The following SH2B1 variants were observed in gnomAD, a reference collection of about 807,000 sequenced individuals.
The protein encoded by SH2B1 is SH2B adapter protein 1.
Under a neutral mutation model 62.6 loss-of-function variants are expected in SH2B1, and 15 were observed. That is an observed-to-expected ratio of 0.24 (90% CI 0.16 to 0.37). The LOEUF is 0.37. SH2B1 is among the 10% of genes least tolerant of loss of function. SH2B1 has a pLI of 1.00. For synonymous variants in SH2B1, 443 were observed against 438.0 expected (o/e 1.01, Z -0.14); for missense variants, 925 against 1,015.6 (o/e 0.91, Z 1.21).
intron 1 of SH2B1, among the ~76,000 whole-genome samples, chr16:28,851,234 C>T (rs956871801): frequency 2.1e-4 from 32 of 151,774 alleles, no homozygotes; most frequent in African/African-American, 7.0e-4. Context: ...TCTCACTCTC[C>T]TTATACATCT....
In SH2B1 at chr16:28,873,297, C is replaced by G. The variant is rs762407660; in HGVS notation, c.1898-150C>G. The G allele has an allele frequency of 3.1e-6, 5 of 1,599,146 alleles. No homozygotes were observed. The highest frequency in any genetic ancestry group is 1.3e-5 in the African/African-American group (1 of 74,692). On this transcript the variant is annotated intron_variant, in intron 7 of 7. Transcript: ENST00000684370. This position sits in a 1 kb window ranked among gnomAD's most constrained non-coding sequence, Gnocchi z 4.2. ...AAGTGTGGTCCTCCTCTCACCACCG[C>G]CCATGATCCATCTTCCATGGATGGG... is the stretch of plus-strand genomic sequence containing the variant.
At chr16:28,849,362 G>A (rs1396774028) in intron 1 of SH2B1, among the ~76,000 whole-genome samples, 1 of 152,192 alleles carries the variant, frequency 6.6e-6, no homozygotes, top group Non-Finnish European at 1.5e-5. Flanking sequence ...CTCTCAAAAT[G>A]CTGGGATTAC....
At chr16:28,852,602 T>G (rs189586311) in intron 1 of SH2B1, among the ~76,000 whole-genome samples, 873 of 41,000 alleles carry the variant, frequency 0.021, 225 homozygotes, top group South Asian at 0.15. Flanking sequence ...ACATATATAT[T>G]TATATATATA....
chr16:28,866,856 T>A lies in SH2B1; in HGVS notation c.762T>A (p.Ser254Arg). 1 of 1,606,568 alleles carries A rather than the reference T, an allele frequency of 6.2e-7. No individual in the cohort carries two copies. The highest frequency in any genetic ancestry group is 8.5e-7 in the Non-Finnish European group (1 of 1,176,572). Reference sequence around the variant, plus strand: ...TGGTGCAGAGGGAAGAGCTGCTGAGTTTCATGGGGGCTGAGGAGGCAGCCC... The same window carrying A: ...TGGTGCAGAGGGAAGAGCTGCTGAGATTCATGGGGGCTGAGGAGGCAGCCC... ...AGMVQREELL[S>R]FMGAEEAAPD... Residue 254 changes from serine (S) to arginine (R), a missense_variant, in exon 1 of 8, where the codon AGT (serine) becomes AGA (arginine). Ser to Arg is a moderately radical substitution (Grantham distance 110). Around this residue, in one of 3 missense-constraint regions of SH2B1, gnomAD observed 683 missense variants for 704.0 expected, o/e 0.97. Transcript: ENST00000684370. This position sits in a 1 kb window ranked among gnomAD's most constrained non-coding sequence, Gnocchi z 6.3.
In SH2B1 at chr16:28,872,776, A is replaced by G. The variant is rs756586015; in HGVS notation, c.1897+71A>G. 2.5e-6 allele frequency: 4 copies of G among 1,574,172 alleles called. No homozygotes were observed. The highest frequency in any genetic ancestry group is 3.5e-6 in the Non-Finnish European group (4 of 1,151,836). The stretch of plus-strand genomic sequence containing the variant: ...GAAGTGAGGTGTGTGTGCCAGAAAG[A>G]TGGGGCGGGGAGGGGGGACTATCAC... On this transcript the variant is annotated intron_variant, in intron 7 of 7. Coordinates refer to ENST00000684370, the MANE Select transcript of SH2B1 (RefSeq NM_001387430.1). This position sits in a 1 kb window ranked among gnomAD's most constrained non-coding sequence, Gnocchi z 5.3.
At chr16:28,863,764 A>C (rs1189026966), upstream of SH2B1, 2 of 1,535,424 alleles carry the variant, frequency 1.3e-6, no homozygotes, top group Non-Finnish European at 1.7e-6. Context: ...AGTAAGTATG[A>C]AGGTGCCCTT....
At position 28,866,903 on chromosome 16, in the gene SH2B1, G is replaced by T; in HGVS notation, c.809G>T (p.Arg270Leu). 6.2e-7 allele frequency: 1 copy of T among 1,611,972 alleles called. No individual in the cohort carries two copies. ...GCCCCTGACCCAGCCGGAGTGGGCC[G>T]GGGAGGAGGGGTGGCTGGGCCTCCT... Reference protein sequence around the residue: ...EAAPDPAGVGRGGGVAGPPSG... With the variant: ...EAAPDPAGVGLGGGVAGPPSG... The change falls in exon 1 of 8, where the codon CGG (arginine) becomes CTG (leucine). Residue 270 changes from arginine (R) to leucine (L), a missense_variant. Transcript: ENST00000684370. The surrounding 1 kb of genome is among the most constrained non-coding windows in gnomAD (Gnocchi z 6.3).
In SH2B1 at chr16:28,868,991, G is replaced by A. The variant is rs748018784; in HGVS notation, c.1042-15G>A. On this transcript the variant is annotated splice_polypyrimidine_tract_variant and intron_variant, in intron 2 of 7. Coordinates refer to ENST00000684370, the MANE Select transcript of SH2B1 (RefSeq NM_001387430.1). The stretch of plus-strand genomic sequence containing the variant: ...CTGCCCCTGCCCCAGCTGAGGCGTC[G>A]TCTCATCTCTGTAGGTGGAAGGTCC... 86 of 1,608,500 alleles carry A rather than the reference G, an allele frequency of 5.3e-5. 1 individual carries two copies. The East Asian group carries it at 1.1e-3, about 21-fold the overall frequency.
chr16:28,866,655 CTCG>C lies in SH2B1; in HGVS notation c.564_566del (p.Ser189del). On this transcript the variant is annotated inframe_deletion, in exon 1 of 8. Coordinates refer to ENST00000684370, the MANE Select transcript of SH2B1 (RefSeq NM_001387430.1). This position sits in a 1 kb window ranked among gnomAD's most constrained non-coding sequence, Gnocchi z 6.3. ...CCTCCTCCGCTGGGCCCCTGGAGAC[CTCG>C]TCAGGCCCCCCAGTCTTAGGTGGAA... 6.2e-7 allele frequency: 1 copy of C among 1,611,632 alleles called. No homozygotes were observed. Among genetic ancestry groups the C allele is most frequent in the Non-Finnish European group, 8.5e-7 (1 of 1,178,746 alleles).
In SH2B1 at chr16:28,866,718, C is replaced by T. The variant is rs541383976; in HGVS notation, c.624C>T (p.Thr208=). Residue 208 remains threonine (T), a synonymous_variant, in exon 1 of 8, where the codon ACC becomes ACT. Coordinates refer to ENST00000684370, the MANE Select transcript of SH2B1 (RefSeq NM_001387430.1). This position sits in a 1 kb window ranked among gnomAD's most constrained non-coding sequence, Gnocchi z 6.3. ...SNSNSSGGAG[T]VGRGLVSDGT... is the part of the protein sequence containing the mutation. ...CCAACTCCTCTGGCGGGGCTGGGAC[C>T]GTTGGTAGGGGACTGGTCAGTGATG... The T allele has an allele frequency of 2.3e-5, 37 of 1,586,930 alleles. No individual in the cohort carries two copies. The Admixed American group carries it at 3.1e-4, about 13-fold the overall frequency.
At position 28,866,557 on chromosome 16, in the gene SH2B1, C is replaced by T. The variant is rs186154640; in HGVS notation, c.463C>T (p.Leu155=). ...SKPKLKKRFS[L]RSVGRSVRGS... is the part of the protein sequence containing the mutation. Reference sequence around the variant, plus strand: ...GCCGAAGCTCAAGAAGCGCTTTTCCCTGCGTTCAGTGGGTCGCTCTGTCCG... The same window carrying T: ...GCCGAAGCTCAAGAAGCGCTTTTCCTTGCGTTCAGTGGGTCGCTCTGTCCG... The change falls in exon 1 of 8, where the codon CTG becomes TTG. Residue 155 remains leucine, a synonymous_variant. Transcript: ENST00000684370. This position sits in a 1 kb window ranked among gnomAD's most constrained non-coding sequence, Gnocchi z 6.3. 9.9e-6 allele frequency: 16 copies of T among 1,614,086 alleles called. No individual in the cohort carries two copies. Among genetic ancestry groups the T allele is most frequent in the Admixed American group, 3.3e-5 (2 of 60,012 alleles).
chr16:28,860,408 C>T (rs950983089), upstream of SH2B1, among the ~76,000 whole-genome samples: 4 of 151,998 alleles, frequency 2.6e-5, no homozygotes, highest in East Asian at 1.9e-4. Flanking sequence ...CGTGCCACCA[C>T]GCCTGGCTAA....
At chr16:28,857,886 C>T (rs1962358357) in intron 1 of SH2B1, among the ~76,000 whole-genome samples, 1 of 151,872 alleles carries the variant, frequency 6.6e-6, no homozygotes, top group African/African-American at 2.4e-5. Context: ...ACTACAGGCG[C>T]CCACCACCAC....
Position 28,864,033 on chromosome 16 carries a change from G to T in SH2B1, c.-2062G>T. 7.2e-7 allele frequency: 1 copy of T among 1,395,182 alleles called. No individual in the cohort carries two copies. Among genetic ancestry groups the T allele is most frequent in the Non-Finnish European group, 9.3e-7 (1 of 1,075,004 alleles). The allele number at this position is 1,395,182 out of a possible 1,614,324, so 86.4% of individuals were successfully genotyped here. Reference sequence around the variant, plus strand: ...GCGCCCGAGAGGATTCCTGGGTGGGGGTGGGCGTGGAGGGCCGGGGGCTGG... The same window carrying T: ...GCGCCCGAGAGGATTCCTGGGTGGGTGTGGGCGTGGAGGGCCGGGGGCTGG... On this transcript the variant is annotated 5_prime_UTR_variant, in exon 1 of 8. Coordinates refer to ENST00000684370, the MANE Select transcript of SH2B1 (RefSeq NM_001387430.1).
chr16:28,871,452 C>T (rs567714609), intron 4 of SH2B1, among the ~76,000 whole-genome samples: 6 of 152,306 alleles, frequency 3.9e-5, no homozygotes, highest in African/African-American at 1.2e-4. Context: ...TATAGCGAGA[C>T]CCCTTCTCTA....
At chr16:28,862,034 C>G (rs1172722483), upstream of SH2B1, 2 of 152,202 alleles carry the variant, frequency 1.3e-5, no homozygotes, top group Admixed American at 1.3e-4. Context: ...TATCTTCTGG[C>G]CCCTGTGTTC....
At chr16:28,849,741 A>G (rs1962056495) in intron 1 of SH2B1, among the ~76,000 whole-genome samples, 1 of 152,144 alleles carries the variant, frequency 6.6e-6, no homozygotes. Context: ...AGCCTGGCCA[A>G]CATGGTGAAA....
At position 28,871,969 on chromosome 16, in the gene SH2B1, C is replaced by G; in HGVS notation, c.1499C>G (p.Pro500Arg). The G allele has an allele frequency of 6.2e-7, 1 of 1,603,110 alleles. No individual in the cohort carries two copies. Among genetic ancestry groups the G allele is most frequent in the Non-Finnish European group, 8.5e-7 (1 of 1,170,446 alleles). ...GCCCCCTACCCTCCCTTGGACACTCCGGAAACAGCCACAGGTACCGGAGGT... is the reference window on the plus strand; with the variant it reads ...GCCCCCTACCCTCCCTTGGACACTCGGGAAACAGCCACAGGTACCGGAGGT... ...LSAPYPPLDT[P>R]ETATGSFLFQ... Residue 500 changes from proline (P) to arginine (R), a missense_variant, in exon 5 of 8, where the codon CCG becomes CGG. By Grantham distance (103) the Pro-to-Arg change is moderately radical (BLOSUM62 -2). Transcript: ENST00000684370.
At position 28,867,362 on chromosome 16, in the gene SH2B1, C is replaced by G; in HGVS notation, c.971C>G (p.Ser324Cys). 6.2e-7 allele frequency: 1 copy of G among 1,614,192 alleles called. No individual in the cohort carries two copies. The highest frequency in any genetic ancestry group is 8.5e-7 in the Non-Finnish European group (1 of 1,180,016). ...CGGCCCCGACTCAGCATCCCCTGCT[C>G]TTCTATCACAGACGTCCGGACAACC... ...ASRPRLSIPCSSITDVRTTTA... is the reference protein window; with the variant it reads ...ASRPRLSIPCCSITDVRTTTA... The change falls in exon 2 of 8, where the codon TCT becomes TGT. Residue 324 changes from serine (S) to cysteine (C), a missense_variant. This residue lies in a region of SH2B1 where 683 missense variants were observed against 704.0 expected (regional missense o/e 0.97). Coordinates refer to ENST00000684370, the MANE Select transcript of SH2B1 (RefSeq NM_001387430.1).
Sources: gnomAD v4.1 joint callset for allele counts (sites outside exome capture counted in the v4.1 genomes callset) on GRCh38, gnomAD v4.1.1 for gene constraint, gnomAD v4.1.1 regional missense constraint, Gnocchi (gnomAD v3.1) non-coding constraint, MANE v1.5 for transcripts, NCBI Gene and HGNC (gene_info 2026-07-23, HGNC 2026-07-21) for gene names.